CSMD3: variants seen among roughly 807,000 people sequenced by gnomAD.
The protein encoded by CSMD3 is CUB and sushi domain-containing protein 3.
CSMD3 carries 177 observed loss-of-function variants against 435.2 expected under a neutral mutation model. That is an observed-to-expected ratio of 0.41 (90% CI 0.36 to 0.46). The LOEUF is 0.46. CSMD3 is among the 20% of genes least tolerant of loss of function. The pLI is 0.34. For synonymous variants in CSMD3, 1,656 were observed against 1,520.5 expected, an observed-to-expected ratio of 1.09 and a Z score of -2.07; for missense variants, 4,265 against 4,504.6, an observed-to-expected ratio of 0.95 and a Z score of 1.52.
At chr8:112,318,050 C>T (rs1423671691) in intron 47 of CSMD3, among the ~76,000 whole-genome samples, 1 of 152,026 alleles carries the variant, frequency 6.6e-6, no homozygotes, top group African/African-American at 2.4e-5. Flanking sequence ...CAGCTTAGCA[C>T]ATCATTCAAG....
chr8:112,319,843 T>G, intron 46 of CSMD3, 58 bp downstream of exon 46: 1 of 1,261,118 alleles, frequency 7.9e-7, no homozygotes, highest in Non-Finnish European at 1.2e-6. Flanking sequence ...TGGCTTATTT[T>G]TAAGCAAATA....
chr8:112,903,347 TAA>T lies in CSMD3; in HGVS notation c.1633+18278_1633+18279del, dbSNP rs567781492. Reference sequence around the variant, plus strand: ...ACATGGGCTAAAGTAAAGGACATAATAAGTCATTGTAAGTTTTACAAAAATTC... The same window carrying T: ...ACATGGGCTAAAGTAAAGGACATAATGTCATTGTAAGTTTTACAAAAATTC... On this transcript the variant is annotated intron_variant, in intron 10 of 70. Transcript: ENST00000297405. Among the ~76,000 whole-genome samples the T allele has an allele frequency of 1.2e-3, 180 of 151,254 alleles. 2 individuals carry two copies. The highest frequency in any genetic ancestry group is 4.1e-3 in the African/African-American group (169 of 41,388).
chr8:112,963,463 T>C (rs2084307915), intron 7 of CSMD3, among the ~76,000 whole-genome samples: 1 of 152,024 alleles, frequency 6.6e-6, no homozygotes, highest in African/African-American at 2.4e-5. Context: ...CAACATCTCT[T>C]AATTTTTTTA....
intron 4 of CSMD3, among the ~76,000 whole-genome samples, chr8:113,145,197 C>T (rs1455124139): frequency 6.6e-6 from 1 of 151,382 alleles, no homozygotes; most frequent in African/African-American, 2.4e-5. Context: ...GTAACAGGAT[C>T]TGCAGACCAT....
chr8:113,095,729 A>G (rs2131532898), intron 5 of CSMD3, among the ~76,000 whole-genome samples: 1 of 152,340 alleles, frequency 6.6e-6, no homozygotes, highest in Non-Finnish European at 1.5e-5. Context: ...AACTATGTAC[A>G]AAGCATTTGC....
chr8:112,682,394 G>T, intron 16 of CSMD3, 48 bp downstream of exon 16: 1 of 1,363,884 alleles, frequency 7.3e-7, no homozygotes. Flanking sequence ...GTGGTTTCTT[G>T]TACATAATGA....
At position 113,355,789 on chromosome 8, in the gene CSMD3, GTGTGTT is replaced by G. The variant is rs1389270563; in HGVS notation, c.179-41002_179-40997del. ...ACACGGGGTGTGTGTGTGTGTGTGTGTGTGTTTGTCAACTATACATTTATCTATCAA... is the reference window on the plus strand; with the variant it reads ...ACACGGGGTGTGTGTGTGTGTGTGTGTGTCAACTATACATTTATCTATCAA... On this transcript the variant is annotated intron_variant, in intron 1 of 70. Coordinates refer to ENST00000297405, the MANE Select transcript of CSMD3 (RefSeq NM_198123.2). Among the ~76,000 whole-genome samples, 66 of 117,508 alleles carry G rather than the reference GTGTGTT, an allele frequency of 5.6e-4. 1 individual carries two copies. In the South Asian group the frequency reaches 9.2e-3, roughly 16 times the overall value. 77.1% of individuals were successfully genotyped at this position (117,508 alleles called of 152,430 possible). A position where few individuals can be genotyped will look rare whatever the true frequency, so the allele number is the denominator to read the frequency against.
At chr8:112,789,677 A>C (rs2132282715) in intron 13 of CSMD3, among the ~76,000 whole-genome samples, 1 of 151,838 alleles carries the variant, frequency 6.6e-6, no homozygotes, top group South Asian at 2.1e-4. Context: ...TAATTAAACA[A>C]AGTTTTTATT....
intron 5 of CSMD3, among the ~76,000 whole-genome samples, chr8:113,034,932 T>C (rs1357560162): frequency 6.6e-6 from 1 of 152,080 alleles, no homozygotes; most frequent in Non-Finnish European, 1.5e-5. Flanking sequence ...AAACTGATAC[T>C]ACTGAAGGAA....
intron 13 of CSMD3, among the ~76,000 whole-genome samples, chr8:112,690,591 C>G (rs866208225): frequency 2.3e-4 from 35 of 149,534 alleles, no homozygotes; most frequent in African/African-American, 8.4e-4. Flanking sequence ...AACTAGACCC[C>G]CCCCCCCAAC....
At chr8:112,759,410 G>T (rs2077779933) in intron 13 of CSMD3, among the ~76,000 whole-genome samples, 1 of 152,042 alleles carries the variant, frequency 6.6e-6, no homozygotes, top group Non-Finnish European at 1.5e-5. Context: ...ATAGTTAAAG[G>T]TTTATACAAC....
chr8:113,314,966 A>G (rs914788161), intron 1 of CSMD3, among the ~76,000 whole-genome samples, 173 bp from the exon 2 acceptor site: 18 of 152,204 alleles, frequency 1.2e-4, no homozygotes, highest in African/African-American at 4.3e-4. Flanking sequence ...AAATATAAGA[A>G]ACAAAATAAT....
chr8:113,087,496 G>A (rs1293361903), intron 5 of CSMD3, among the ~76,000 whole-genome samples: 3 of 152,294 alleles, frequency 2.0e-5, no homozygotes, highest in Admixed American at 2.0e-4. Flanking sequence ...CATGGTACTG[G>A]TAACAAAACA....
At chr8:112,745,671 T>C (rs1323269226) in intron 13 of CSMD3, among the ~76,000 whole-genome samples, 2 of 148,244 alleles carry the variant, frequency 1.3e-5, no homozygotes, top group African/African-American at 2.6e-5. Context: ...CTAAGTTTCT[T>C]TTTTTTGTTT....
intron 12 of CSMD3, among the ~76,000 whole-genome samples, chr8:112,810,917 G>T (rs2079207993): frequency 6.6e-6 from 1 of 151,970 alleles, no homozygotes; most frequent in Admixed American, 6.6e-5. Flanking sequence ...ATAATTATTT[G>T]AAAGTATAAG....
intron 5 of CSMD3, among the ~76,000 whole-genome samples, chr8:113,021,265 G>T (rs1016269194): frequency 4.6e-5 from 7 of 151,942 alleles, no homozygotes; most frequent in Admixed American, 2.0e-4. Flanking sequence ...TTTAAAATTT[G>T]CTTTCATTAC....
At chr8:112,614,152 G>A (rs900879723) in intron 22 of CSMD3, among the ~76,000 whole-genome samples, 2 of 152,080 alleles carry the variant, frequency 1.3e-5, no homozygotes, top group East Asian at 3.9e-4. Context: ...AGCATTGCAG[G>A]CAGAGGGAAT....
At chr8:113,009,672 A>T (rs1443653171) in intron 6 of CSMD3, among the ~76,000 whole-genome samples, 1 of 151,878 alleles carries the variant, frequency 6.6e-6, no homozygotes, top group African/African-American at 2.4e-5. Context: ...GGAGGATATT[A>T]TCCAATGAAA....
intron 10 of CSMD3, among the ~76,000 whole-genome samples, chr8:112,876,064 G>A (rs563621554): frequency 1.3e-5 from 2 of 151,764 alleles, no homozygotes; most frequent in Admixed American, 6.6e-5. Flanking sequence ...ATCTACCAAC[G>A]GTCTTTGATG....
Sources: allele counts gnomAD v4.1 joint callset (sites outside exome capture counted in the v4.1 genomes callset), GRCh38; gene constraint gnomAD v4.1.1; transcripts MANE v1.5; gene names NCBI Gene and HGNC (gene_info 2026-07-23, HGNC 2026-07-21).